Variants in SPECC1 observed in about 807,000 individuals in gnomAD.
The protein encoded by SPECC1 is sperm antigen with calponin homology and coiled-coil domains 1.
In SPECC1, 62 loss-of-function variants were observed where a neutral mutation model predicts 104.1. The observed-to-expected ratio is 0.60, with a 90% confidence interval of 0.49 to 0.74. SPECC1 has a LOEUF of 0.74. SPECC1 is among the 30% of genes least tolerant of loss of function. SPECC1 has a pLI of 0.00. For missense variants in SPECC1, 1,306 were observed against 1,310.5 expected, an observed-to-expected ratio of 1.00 and a Z score of 0.05; for synonymous variants, 513 against 501.6, an observed-to-expected ratio of 1.02 and a Z score of -0.30.
At chr17:20,056,116 TA>T (rs1400997166) in intron 1 of SPECC1, among the ~76,000 whole-genome samples, 2 of 152,238 alleles carry the variant, frequency 1.3e-5, no homozygotes, top group Non-Finnish European at 2.9e-5. Flanking sequence ...GTAGCATCTT[TA>T]AAAGAAAAAT....
intron 1 of SPECC1, among the ~76,000 whole-genome samples, chr17:20,057,106 C>T (rs2045993949): frequency 6.6e-6 from 1 of 152,094 alleles, no homozygotes; most frequent in African/African-American, 2.4e-5. Context: ...CCACTTTCAG[C>T]ATTCTTTCAG....
intron 3 of SPECC1, among the ~76,000 whole-genome samples, chr17:20,134,627 A>G (rs1321366500): frequency 6.6e-6 from 1 of 151,944 alleles, no homozygotes; most frequent in Non-Finnish European, 1.5e-5. Flanking sequence ...GTTTTGTTTT[A>G]TTTTTTTGAG....
At chr17:20,092,382 A>G (rs1337993845) in intron 1 of SPECC1, among the ~76,000 whole-genome samples, 1 of 151,102 alleles carries the variant, frequency 6.6e-6, no homozygotes, top group Admixed American at 6.7e-5. Flanking sequence ...ATTCATATCC[A>G]TAAGAAAACG....
intron 12 of SPECC1, among the ~76,000 whole-genome samples, chr17:20,275,644 T>G (rs2040551979): frequency 6.6e-6 from 1 of 152,204 alleles, no homozygotes; most frequent in Admixed American, 6.5e-5. Context: ...GACTTAACAT[T>G]TTTCCTGGAA....
chr17:20,295,764 T>A (rs2041329583), intron 12 of SPECC1, among the ~76,000 whole-genome samples: 1 of 152,384 alleles, frequency 6.6e-6, no homozygotes. Flanking sequence ...ATTTCTCTGA[T>A]GGCCAGTGAT....
rs2048429433 is a variant in SPECC1, at chr17:20,110,441, C to T, written c.162C>T (p.Ser54=). The T allele has an allele frequency of 1.2e-6, 2 of 1,613,302 alleles. No individual in the cohort carries two copies. The highest frequency in any genetic ancestry group is 1.7e-6 in the Non-Finnish European group (2 of 1,179,566). The change falls in exon 3 of 15, where the codon AGC becomes AGT. Residue 54 remains serine (S), a synonymous_variant. Coordinates refer to ENST00000395527, the MANE Select transcript of SPECC1 (RefSeq NM_001243439.2). ...AACTCTCTCAGCTCAAGAGGGCCAGCAGTGAGGACACGCTCAACAAGCCAG... is the reference window on the plus strand; with the variant it reads ...AACTCTCTCAGCTCAAGAGGGCCAGTAGTGAGGACACGCTCAACAAGCCAG... The part of the protein sequence containing the change: ...ESRLSRLKRA[S]SEDTLNKPGS...
intron 2 of SPECC1, among the ~76,000 whole-genome samples, chr17:20,101,331 T>C (rs1290900559): frequency 6.6e-6 from 1 of 152,184 alleles, no homozygotes; most frequent in Non-Finnish European, 1.5e-5. Flanking sequence ...GCATCTGTTG[T>C]TTCCTGACTT....
At chr17:20,137,490 T>TC (rs1462708501) in intron 3 of SPECC1, among the ~76,000 whole-genome samples, 1 of 152,202 alleles carries the variant, frequency 6.6e-6, no homozygotes, top group Non-Finnish European at 1.5e-5. Flanking sequence ...ATGTGATTTT[T>TC]CCCTCAAATA....
At chr17:20,254,271 A>G (rs966680318) in intron 10 of SPECC1, among the ~76,000 whole-genome samples, 23 of 152,076 alleles carry the variant, frequency 1.5e-4, no homozygotes, top group Non-Finnish European at 2.6e-4. Context: ...GCGTGGCGTC[A>G]TATTTCCTGT....
At chr17:20,220,589 GT>G (rs1555631729) in intron 4 of SPECC1, among the ~76,000 whole-genome samples, 1 of 112,242 alleles carries the variant, frequency 8.9e-6, no homozygotes, top group Admixed American at 9.3e-5. Flanking sequence ...GTGGAGGCTA[GT>G]TTTTTCCAGA....
At chr17:20,023,648 T>G (rs2044484368) in intron 1 of SPECC1, among the ~76,000 whole-genome samples, 1 of 152,102 alleles carries the variant, frequency 6.6e-6, no homozygotes, top group African/African-American at 2.4e-5. Context: ...GCAAATTCCA[T>G]GGGGTGAGAG....
chr17:20,092,131 T>C lies in SPECC1; in HGVS notation c.-21-4500T>C, dbSNP rs150650274. On this transcript the variant is annotated intron_variant, in intron 1 of 14. Transcript: ENST00000395527. ...GAGTTGCAGTTTAAGTCCTACACTA[T>C]TCTGGAGAGGAGAGAAACTTGGTAA... Among the ~76,000 whole-genome samples, 1,005 of 152,168 alleles carry C rather than the reference T, an allele frequency of 6.6e-3. 11 individuals are homozygous for C. The highest frequency in any genetic ancestry group is 0.023 in the African/African-American group (945 of 41,512).
chr17:20,034,150 T>C (rs939485485), intron 1 of SPECC1, among the ~76,000 whole-genome samples: 1 of 151,702 alleles, frequency 6.6e-6, no homozygotes, highest in African/African-American at 2.4e-5. Flanking sequence ...AAGGCTGGAG[T>C]GCAGTGGCAC....
chr17:20,121,700 G>A (rs2049041270), intron 3 of SPECC1, among the ~76,000 whole-genome samples: 1 of 152,206 alleles, frequency 6.6e-6, no homozygotes. Flanking sequence ...ACACAGTGGT[G>A]TGGCTTTTAG....
At chr17:20,257,398 G>C in intron 10 of SPECC1, 53 bp from the exon 11 acceptor site, 1 of 1,517,532 alleles carries the variant, frequency 6.6e-7, no homozygotes, top group African/African-American at 1.4e-5. Context: ...AAGTATGATG[G>C]CAGTCAAGAG....
rs146327662 is a variant in SPECC1, at chr17:20,251,959, T to G, written c.2599-1546T>G. Among the ~76,000 whole-genome samples the G allele has an allele frequency of 3.3e-4, 50 of 152,296 alleles. No homozygotes were observed. In the East Asian group the frequency reaches 8.3e-3, roughly 25 times the overall value. On this transcript the variant is annotated intron_variant, in intron 9 of 14. Coordinates refer to ENST00000395527, the MANE Select transcript of SPECC1 (RefSeq NM_001243439.2). ...CCACTTACTTGGCCTCTTGTGGCAC[T>G]TCTCAGAGGAAGCTGCCAAGATGGT... is the stretch of plus-strand genomic sequence containing the variant.
chr17:20,011,244 G>T (rs1039231929), intron 1 of SPECC1, among the ~76,000 whole-genome samples: 8 of 152,058 alleles, frequency 5.3e-5, no homozygotes, highest in Non-Finnish European at 1.0e-4. Context: ...AGACTGCCTG[G>T]GCTGCTGCTG....
intron 3 of SPECC1, among the ~76,000 whole-genome samples, chr17:20,125,057 G>A (rs1415405268): frequency 6.6e-6 from 1 of 152,148 alleles, no homozygotes; most frequent in Non-Finnish European, 1.5e-5. Context: ...GTGGGCGCCT[G>A]TAGTTCCAGC....
At chr17:20,297,936 A>G (rs561912421) in intron 13 of SPECC1, among the ~76,000 whole-genome samples, 38 of 152,362 alleles carry the variant, frequency 2.5e-4, no homozygotes, top group African/African-American at 8.2e-4. Flanking sequence ...GTAGACTTAT[A>G]ACAAGTAAAA....
Sources: gnomAD v4.1 joint callset for allele counts (sites outside exome capture counted in the v4.1 genomes callset) on GRCh38, gnomAD v4.1.1 for gene constraint, MANE v1.5 for transcripts, NCBI Gene and HGNC (gene_info 2026-07-23, HGNC 2026-07-21) for gene names.